PREX2: variants seen among roughly 807,000 people sequenced by gnomAD.
PREX2 encodes phosphatidylinositol-3,4,5-trisphosphate dependent Rac exchange factor 2, also known as phosphatidylinositol 3,4,5-trisphosphate-dependent Rac exchanger 2 protein.
PREX2 carries 107 observed loss-of-function variants against 203.2 expected under a neutral mutation model. The observed-to-expected ratio is 0.53, with a 90% CI of 0.45 to 0.62. PREX2 has a LOEUF of 0.62. Ranked by LOEUF, PREX2 falls within the 20% of genes least tolerant of loss-of-function variation. The probability of loss-of-function intolerance (pLI) is 0.00; values close to 1 mark genes in which losing one functional copy is unlikely to be tolerated. For synonymous variants in PREX2, 672 were observed against 663.6 expected (o/e 1.01, Z -0.19); for missense variants, 1,777 against 1,955.9 (o/e 0.91, Z 1.72).
chr8:67,959,609 A>T (rs960139795), intron 1 of PREX2, among the ~76,000 whole-genome samples: 1 of 152,182 alleles, frequency 6.6e-6, no homozygotes, highest in Non-Finnish European at 1.5e-5. Flanking sequence ...AGACAAGGCA[A>T]AATTTTCTGA....
chr8:68,012,497 A>G (rs1210247420), intron 1 of PREX2, among the ~76,000 whole-genome samples: 2 of 152,218 alleles, frequency 1.3e-5, no homozygotes, highest in Non-Finnish European at 2.9e-5. Flanking sequence ...AGAGGCTTTC[A>G]CTGAGGATTT....
chr8:67,974,658 A>G (rs2129608928), intron 1 of PREX2, among the ~76,000 whole-genome samples: 1 of 152,286 alleles, frequency 6.6e-6, no homozygotes, highest in South Asian at 2.1e-4. Flanking sequence ...TTATCATGCA[A>G]ATTCTGAGAA....
chr8:68,050,346 G>GT (rs1356637389), intron 8 of PREX2, among the ~76,000 whole-genome samples: 1 of 151,978 alleles, frequency 6.6e-6, no homozygotes, highest in African/African-American at 2.4e-5. Flanking sequence ...TGGCTGGGGA[G>GT]GCCCCAGGAT....
intron 1 of PREX2, among the ~76,000 whole-genome samples, chr8:67,965,523 A>G (rs1805744571): frequency 6.6e-6 from 1 of 151,836 alleles, no homozygotes; most frequent in Non-Finnish European, 1.5e-5. Context: ...GTGTATATAT[A>G]TATATGTGTA....
intron 35 of PREX2, among the ~76,000 whole-genome samples, chr8:68,174,419 A>C (rs1811940044): frequency 1.3e-5 from 2 of 152,156 alleles, no homozygotes; most frequent in Admixed American, 1.3e-4. Flanking sequence ...TGTTATGTAG[A>C]TTCAAGTTTC....
chr8:68,138,454 C>A lies in PREX2; in HGVS notation c.4024C>A (p.Leu1342Ile). Residue 1342 changes from leucine to isoleucine, a missense_variant, in exon 33 of 40, where the codon CTA becomes ATA. Leu to Ile is a conservative substitution (Grantham distance 5). Transcript: ENST00000288368. The stretch of plus-strand genomic sequence containing the variant: ...CATGTTAGAAGATACACTGGTTGCA[C>A]TATTTGATTTGGAAAAGGTTTCCTT... ...QAMLEDTLVA[L>I]FDLEKVSFYF... 1 of 1,605,210 alleles carries A rather than the reference C, an allele frequency of 6.2e-7. No individual in the cohort carries two copies. Among genetic ancestry groups the A allele is most frequent in the Non-Finnish European group, 8.5e-7 (1 of 1,175,086 alleles).
intron 23 of PREX2, among the ~76,000 whole-genome samples, chr8:68,103,422 T>C (rs1810320006): frequency 6.6e-6 from 1 of 152,232 alleles, no homozygotes; most frequent in Non-Finnish European, 1.5e-5. Context: ...AATTCACGAA[T>C]TAGCTACCAA....
rs546868409 is a variant in PREX2 at position 68,011,928 on chromosome 8, T to C, written c.142-5918T>C. On this transcript the variant is annotated intron_variant, in intron 1 of 39. Transcript: ENST00000288368. Reference sequence around the variant, plus strand: ...TAAGAAAAGATGGCATTTATTATAGTATTTCACTGCAGTCATCTCAATAAA... The same window carrying C: ...TAAGAAAAGATGGCATTTATTATAGCATTTCACTGCAGTCATCTCAATAAA... 3.5e-4 allele frequency among the ~76,000 whole-genome samples: 53 copies of C among 152,346 alleles called. 1 individual carries two copies. Among genetic ancestry groups the C allele is most frequent in the East Asian group, 7.7e-4 (4 of 5,190 alleles).
chr8:68,083,413 T>C (rs889279597), intron 18 of PREX2, 25 bp downstream of exon 18: 5 of 1,558,560 alleles, frequency 3.2e-6, no homozygotes, highest in Non-Finnish European at 4.4e-6. Flanking sequence ...TTATGTGTGA[T>C]TTTTTAAAAG....
At chr8:68,029,099 G>C (rs114971248) in intron 5 of PREX2, among the ~76,000 whole-genome samples, 11 of 152,016 alleles carry the variant, frequency 7.2e-5, no homozygotes, top group Non-Finnish European at 1.5e-4. Context: ...GATTTAGGGT[G>C]GTTTTGTTTA....
intron 23 of PREX2, chr8:68,105,198 T>G: frequency 2.2e-6 from 3 of 1,367,834 alleles, no homozygotes; most frequent in Non-Finnish European, 2.9e-6. Context: ...GGAGCACAGT[T>G]TTGATCTTCA....
chr8:67,984,943 G>A (rs57099422), intron 1 of PREX2, among the ~76,000 whole-genome samples: 3,477 of 152,108 alleles, frequency 0.023, 124 homozygotes, highest in African/African-American at 0.077. Flanking sequence ...GCCAGCCCAG[G>A]CACCCAGCCC....
chr8:67,982,188 T>C (rs1396048189), intron 1 of PREX2, among the ~76,000 whole-genome samples: 2 of 152,064 alleles, frequency 1.3e-5, no homozygotes, highest in East Asian at 3.9e-4. Context: ...CCCAACACTT[T>C]GGGAGGCAGG....
At chr8:68,097,821 G>A (rs370586214) in intron 22 of PREX2, among the ~76,000 whole-genome samples, 58 of 152,266 alleles carry the variant, frequency 3.8e-4, no homozygotes, top group African/African-American at 1.4e-3. Context: ...CAATTCAGAT[G>A]GTTTTCATGA....
chr8:68,089,114 C>T (rs1809787223), intron 19 of PREX2, among the ~76,000 whole-genome samples: 1 of 152,132 alleles, frequency 6.6e-6, no homozygotes, highest in Non-Finnish European at 1.5e-5. Context: ...TTGCCAGCAT[C>T]CCCAGGCTCC....
At chr8:68,093,127 C>T (rs1222889129) in intron 20 of PREX2, among the ~76,000 whole-genome samples, 1 of 151,972 alleles carries the variant, frequency 6.6e-6, no homozygotes, top group Non-Finnish European at 1.5e-5. Context: ...GCAGTAGCTC[C>T]TGCCTGTAAT....
At chr8:67,968,896 A>C (rs1188231132) in intron 1 of PREX2, among the ~76,000 whole-genome samples, 6 of 152,234 alleles carry the variant, frequency 3.9e-5, no homozygotes, top group African/African-American at 1.2e-4. Flanking sequence ...CTTTAAAGGC[A>C]AGACTTGCCT....
chr8:68,120,928 A>G lies in PREX2; in HGVS notation c.3603A>G (p.Gln1201=), dbSNP rs1418022482. 6.2e-7 allele frequency: 1 copy of G among 1,611,630 alleles called. No individual in the cohort carries two copies. The highest frequency in any genetic ancestry group is 1.3e-5 in the African/African-American group (1 of 74,780). The change falls in exon 30 of 40, where the codon CAA becomes CAG. Residue 1201 remains glutamine (Q), a synonymous_variant. Coordinates refer to ENST00000288368, the MANE Select transcript of PREX2 (RefSeq NM_024870.4). ...LTPGRGLQEF[Q]QEMEPKLSCP... ...TTTTCTGTGTTTATTTAGAATTTCA[A>G]CAGGAAATGGAACCAAAGCTGAGTT...
At chr8:68,148,340 G>A (rs1389462238) in intron 34 of PREX2, among the ~76,000 whole-genome samples, 1 of 152,292 alleles carries the variant, frequency 6.6e-6, no homozygotes, top group East Asian at 1.9e-4. Flanking sequence ...CTTTTACAGG[G>A]TTTAGCCAGG....
Sources: gnomAD v4.1 joint callset for allele counts (sites outside exome capture counted in the v4.1 genomes callset) on GRCh38, gnomAD v4.1.1 for gene constraint, MANE v1.5 for transcripts, NCBI Gene and HGNC (gene_info 2026-07-23, HGNC 2026-07-21) for gene names.